INPP4B: variants seen among roughly 807,000 people sequenced by gnomAD.
The protein encoded by INPP4B is inositol polyphosphate 4-phosphatase type II.
In INPP4B, 55 loss-of-function variants were observed where a neutral mutation model predicts 122.5. The observed-to-expected ratio is 0.45, with a 90% CI of 0.36 to 0.56. INPP4B has a LOEUF of 0.56. INPP4B is among the 20% of genes least tolerant of loss of function. The probability of loss-of-function intolerance (pLI) is 0.00; values close to 1 mark genes in which losing one functional copy is unlikely to be tolerated. For synonymous variants in INPP4B, 403 were observed against 388.7 expected (o/e 1.04, Z -0.43); for missense variants, 1,000 against 1,097.7 (o/e 0.91, Z 1.26).
At chr4:142,208,808 T>C (rs2149525015) in intron 13 of INPP4B, 88 bp downstream of exon 13, 4 of 1,025,196 alleles carry the variant, frequency 3.9e-6, no homozygotes, top group South Asian at 2.6e-5. Flanking sequence ...TTCTCCTATC[T>C]ACATAAAATC....
intron 2 of INPP4B, among the ~76,000 whole-genome samples, chr4:142,686,345 AAT>A (rs2150703596): frequency 6.6e-6 from 1 of 152,240 alleles, no homozygotes; most frequent in Admixed American, 6.5e-5. Flanking sequence ...TTGAATAAGC[AAT>A]ATATGGTGGC....
intron 8 of INPP4B, chr4:142,305,816 T>C: frequency 8.5e-7 from 1 of 1,179,526 alleles, no homozygotes; most frequent in Non-Finnish European, 1.1e-6. Context: ...TCACTAACTA[T>C]AATTTTCTCT....
At chr4:142,630,938 G>A (rs1747806215) in intron 2 of INPP4B, among the ~76,000 whole-genome samples, 1 of 152,074 alleles carries the variant, frequency 6.6e-6, no homozygotes, top group African/African-American at 2.4e-5. Context: ...ATTGAATTGA[G>A]GCACTCCTGT....
At chr4:142,272,621 A>T (rs1746420179) in intron 9 of INPP4B, among the ~76,000 whole-genome samples, 1 of 151,960 alleles carries the variant, frequency 6.6e-6, no homozygotes, top group Non-Finnish European at 1.5e-5. Flanking sequence ...TAATCCTGGG[A>T]TGGCTTTAAA....
chr4:142,522,482 C>G (rs1359439430), intron 2 of INPP4B, among the ~76,000 whole-genome samples: 1 of 151,848 alleles, frequency 6.6e-6, no homozygotes, highest in African/African-American at 2.4e-5. Context: ...GCAGCTGGGA[C>G]TACAGGTAAT....
intron 2 of INPP4B, among the ~76,000 whole-genome samples, chr4:142,713,803 T>C (rs765678215): frequency 3.9e-5 from 6 of 152,210 alleles, no homozygotes; most frequent in Non-Finnish European, 8.8e-5. Context: ...TTTAAGATCC[T>C]GCTCATTTAG....
intron 2 of INPP4B, chr4:142,468,055 C>T (rs1277442263): frequency 6.6e-6 from 1 of 152,082 alleles, no homozygotes; most frequent in African/African-American, 2.4e-5. Context: ...TCCTGTAAAG[C>T]CTGAAAAACC....
chr4:142,593,531 C>A (rs955281240), intron 2 of INPP4B, among the ~76,000 whole-genome samples: 1 of 152,080 alleles, frequency 6.6e-6, no homozygotes, highest in South Asian at 2.1e-4. Context: ...AAATTTCAAT[C>A]CTGTATCAGT....
At chr4:142,202,250 T>C (rs1212592591) in intron 14 of INPP4B, among the ~76,000 whole-genome samples, 1 of 152,054 alleles carries the variant, frequency 6.6e-6, no homozygotes, top group African/African-American at 2.4e-5. Flanking sequence ...AGAAATGAGA[T>C]AATAACTCTA....
chr4:142,575,545 C>A (rs1001140266), intron 2 of INPP4B, among the ~76,000 whole-genome samples: 1 of 151,980 alleles, frequency 6.6e-6, no homozygotes, highest in Non-Finnish European at 1.5e-5. Context: ...AATGTAAACA[C>A]CTCTGAGTTC....
chr4:142,676,257 A>G (rs1053485148), intron 2 of INPP4B, among the ~76,000 whole-genome samples: 2 of 152,126 alleles, frequency 1.3e-5, no homozygotes, highest in Non-Finnish European at 2.9e-5. Flanking sequence ...CTACAAAGAG[A>G]ATAAAATACC....
At chr4:142,340,357 C>T (rs2635421) in intron 7 of INPP4B, among the ~76,000 whole-genome samples, 46,609 of 151,944 alleles carry the variant, frequency 0.31, 8,458 homozygotes, top group South Asian at 0.44. Flanking sequence ...TGTGTAACAA[C>T]GTTCCCCTTT....
At chr4:142,255,424 G>A (rs1037624206) in intron 11 of INPP4B, among the ~76,000 whole-genome samples, 4 of 152,248 alleles carry the variant, frequency 2.6e-5, no homozygotes, top group African/African-American at 9.6e-5. Flanking sequence ...TGGATAAAGA[G>A]TCAAGACCCA....
chr4:142,826,729 C>G (rs1781509592), intron 1 of INPP4B, among the ~76,000 whole-genome samples: 1 of 152,130 alleles, frequency 6.6e-6, no homozygotes, highest in Non-Finnish European at 1.5e-5. Context: ...TCCATTCACT[C>G]TGATAAGAGC....
chr4:142,634,813 A>G (rs564110010), intron 2 of INPP4B, among the ~76,000 whole-genome samples: 1 of 152,260 alleles, frequency 6.6e-6, no homozygotes, highest in South Asian at 2.1e-4. Flanking sequence ...GGTTCTGGTC[A>G]GTGTAATAAC....
chr4:142,202,222 T>A (rs1011375122), intron 14 of INPP4B, among the ~76,000 whole-genome samples: 1 of 152,062 alleles, frequency 6.6e-6, no homozygotes, highest in African/African-American at 2.4e-5. Context: ...TGTAGCCTTT[T>A]AAAAGCCATT....
intron 1 of INPP4B, among the ~76,000 whole-genome samples, chr4:142,776,969 G>A (rs1157207522): frequency 6.6e-6 from 1 of 152,082 alleles, no homozygotes; most frequent in Non-Finnish European, 1.5e-5. Flanking sequence ...TATTCCTGAA[G>A]CAACTAAAAA....
intron 20 of INPP4B, among the ~76,000 whole-genome samples, chr4:142,122,656 G>C (rs1458341021): frequency 6.6e-6 from 1 of 151,978 alleles, no homozygotes; most frequent in Non-Finnish European, 1.5e-5. Context: ...AAGCCTGACA[G>C]GGAGATCATT....
At chr4:142,558,903 G>C (rs1418743234) in intron 2 of INPP4B, among the ~76,000 whole-genome samples, 1 of 151,104 alleles carries the variant, frequency 6.6e-6, no homozygotes, top group East Asian at 1.9e-4. Context: ...ATCACATGGG[G>C]TTTTTACTGC....
Sources: gnomAD v4.1 joint callset for allele counts (sites outside exome capture counted in the v4.1 genomes callset) on GRCh38, gnomAD v4.1.1 for gene constraint, MANE v1.5 for transcripts, NCBI Gene and HGNC (gene_info 2026-07-23, HGNC 2026-07-21) for gene names.